The following FNDC3B variants were observed in gnomAD, a reference collection of about 807,000 sequenced individuals.
FNDC3B encodes the protein fibronectin type III domain-containing protein 3B.
In FNDC3B, 12 loss-of-function variants were observed where a neutral mutation model predicts 151.5. The observed-to-expected ratio is 0.08, with a 90% CI of 0.05 to 0.13. The LOEUF is 0.13. Ranked by LOEUF, FNDC3B falls within the 10% of genes least tolerant of loss-of-function variation. FNDC3B has a pLI of 1.00. For synonymous variants in FNDC3B, 528 were observed against 549.0 expected (o/e 0.96, Z 0.54); for missense variants, 1,214 against 1,505.3 (o/e 0.81, Z 3.20).
At chr3:172,267,417 A>G (rs1159693930) in intron 6 of FNDC3B, among the ~76,000 whole-genome samples, 3 of 152,088 alleles carry the variant, frequency 2.0e-5, no homozygotes, top group Non-Finnish European at 4.4e-5. Context: ...CAGTTTCCCA[A>G]AGTGCTGGGA....
chr3:172,137,963 G>A (rs1389764715), intron 3 of FNDC3B, among the ~76,000 whole-genome samples: 1 of 152,202 alleles, frequency 6.6e-6, no homozygotes, highest in African/African-American at 2.4e-5. Flanking sequence ...CTTCAGTTCA[G>A]GAATTAATAG....
chr3:172,239,899 T>TA (rs1297396304), intron 4 of FNDC3B, among the ~76,000 whole-genome samples: 5 of 127,580 alleles, frequency 3.9e-5, no homozygotes, highest in Non-Finnish European at 7.9e-5. Flanking sequence ...GATGGAGTCT[T>TA]ACTCTGTCAC....
chr3:172,273,413 A>C (rs1387877205), intron 6 of FNDC3B, among the ~76,000 whole-genome samples: 1 of 152,166 alleles, frequency 6.6e-6, no homozygotes, highest in Admixed American at 6.5e-5. Context: ...CTGTTACCTA[A>C]TCACAGGCTC....
chr3:172,300,878 C>T (rs1004562497), intron 9 of FNDC3B, among the ~76,000 whole-genome samples: 13 of 152,192 alleles, frequency 8.5e-5, no homozygotes, highest in African/African-American at 3.1e-4. Context: ...CTGCCTAATG[C>T]ACAGTCCATA....
At position 172,397,654 on chromosome 3, in the gene FNDC3B, G is replaced by T; in HGVS notation, c.*179G>T. The T allele has an allele frequency of 2.6e-6, 1 of 377,546 alleles. No homozygotes were observed. Among genetic ancestry groups the T allele is most frequent in the Non-Finnish European group, 4.6e-6 (1 of 219,090 alleles). 23.4% of individuals were successfully genotyped at this position (377,546 alleles called of 1,614,324 possible). On this transcript the variant is annotated 3_prime_UTR_variant, in exon 26 of 26. Transcript: ENST00000415807. ...TTTTTGAAATGCAAAACTAGGAAAA[G>T]GTTAAACTGGATTTTTTTTTTTAAA...
chr3:172,225,516 C>T (rs1305872317), intron 3 of FNDC3B: 2 of 205,854 alleles, frequency 9.7e-6, no homozygotes, highest in Non-Finnish European at 2.0e-5. Flanking sequence ...ATAAAAACTC[C>T]AGCATCACAT....
At position 172,061,558 on chromosome 3, in the gene FNDC3B, T is replaced by C. The variant is rs573570713; in HGVS notation, c.-29+21787T>C. On this transcript the variant is annotated intron_variant, in intron 1 of 25. Coordinates refer to ENST00000415807, the MANE Select transcript of FNDC3B (RefSeq NM_022763.4). ...ACTTTTTAATAGTAAATTGAAGTTATGGGTGTTAGATATATTCTTTGCAAG... is the reference window on the plus strand; with the variant it reads ...ACTTTTTAATAGTAAATTGAAGTTACGGGTGTTAGATATATTCTTTGCAAG... Among the ~76,000 whole-genome samples, 24 of 152,300 alleles carry C rather than the reference T, an allele frequency of 1.6e-4. No homozygotes were observed. In the East Asian group the frequency reaches 3.3e-3, roughly 21 times the overall value.
chr3:172,341,154 T>C lies in FNDC3B; in HGVS notation c.1894T>C (p.Tyr632His), dbSNP rs761592726. The change falls in exon 17 of 26, where the codon TAC becomes CAC. Residue 632 changes from tyrosine to histidine, a missense_variant. Tyr to His is a moderately conservative substitution (Grantham distance 83, BLOSUM62 2). Transcript: ENST00000415807. ...EVAYSGSATE[Y>H]TFTHLKPGTL... The stretch of plus-strand genomic sequence containing the variant: ...GGCCTACAGTGGGTCGGCTACCGAA[T>C]ACACCTTCACCCACTTGAAACCAGG... 3.7e-6 allele frequency: 6 copies of C among 1,614,092 alleles called. No individual in the cohort carries two copies. Among genetic ancestry groups the C allele is most frequent in the Non-Finnish European group, 3.4e-6 (4 of 1,180,020 alleles).
At chr3:172,362,989 A>G in intron 23 of FNDC3B, 144 bp downstream of exon 23, 1 of 646,126 alleles carries the variant, frequency 1.5e-6, no homozygotes, top group East Asian at 2.8e-5. Context: ...CCTGCGTTTT[A>G]TACCCGGAGT....
chr3:172,109,778 T>C (rs1719870621), intron 1 of FNDC3B, among the ~76,000 whole-genome samples: 1 of 152,166 alleles, frequency 6.6e-6, no homozygotes, highest in Admixed American at 6.5e-5. Context: ...CATCACGTAG[T>C]AGAGAAAAAG....
chr3:172,226,827 A>G, intron 3 of FNDC3B, 44 bp from the exon 4 acceptor site: 1 of 1,152,640 alleles, frequency 8.7e-7, no homozygotes, highest in Non-Finnish European at 1.3e-6. Flanking sequence ...ATTTTGAATA[A>G]TGTATGTTTC....
intron 3 of FNDC3B, among the ~76,000 whole-genome samples, chr3:172,214,834 CT>C (rs2108719744): frequency 6.6e-6 from 1 of 152,336 alleles, no homozygotes; most frequent in South Asian, 2.1e-4. Context: ...AAAGACTTTG[CT>C]TTATGGCAGG....
chr3:172,140,215 C>G (rs147421368), intron 3 of FNDC3B, among the ~76,000 whole-genome samples: 6 of 152,268 alleles, frequency 3.9e-5, no homozygotes, highest in Non-Finnish European at 7.4e-5. Context: ...ATTACTCTAC[C>G]AACTCTCCAG....
chr3:172,153,461 G>C (rs1232484876), intron 3 of FNDC3B, among the ~76,000 whole-genome samples: 1 of 152,174 alleles, frequency 6.6e-6, no homozygotes, highest in Non-Finnish European at 1.5e-5. Context: ...TGACCTGGCA[G>C]CCAGTGCTGT....
chr3:172,174,942 C>CCCCCCCCCCCCCA (rs1553769237), intron 3 of FNDC3B, among the ~76,000 whole-genome samples: 4 of 66,490 alleles, frequency 6.0e-5, no homozygotes, highest in South Asian at 8.9e-4. Context: ...CACCCCCCCC[C>CCCCCCCCCCCCCA]CCCCAATACA....
intron 11 of FNDC3B, among the ~76,000 whole-genome samples, chr3:172,318,972 A>G (rs1560075794): frequency 6.6e-6 from 1 of 152,168 alleles, no homozygotes; most frequent in Non-Finnish European, 1.5e-5. Flanking sequence ...TTCATGATTA[A>G]AAGGAGCCCC....
intron 3 of FNDC3B, among the ~76,000 whole-genome samples, chr3:172,223,183 G>A (rs1409346446): frequency 6.6e-6 from 1 of 152,190 alleles, no homozygotes; most frequent in Non-Finnish European, 1.5e-5. Flanking sequence ...AGCAGAGATA[G>A]TAAACTCACA....
At chr3:172,122,692 TCC>T (rs2108556610) in intron 2 of FNDC3B, among the ~76,000 whole-genome samples, 1 of 152,350 alleles carries the variant, frequency 6.6e-6, no homozygotes, top group African/African-American at 2.4e-5. Context: ...AATTTGGCCC[TCC>T]CTTCCTGGGT....
chr3:172,061,544 G>C (rs564598855), intron 1 of FNDC3B, among the ~76,000 whole-genome samples: 4 of 152,124 alleles, frequency 2.6e-5, no homozygotes, highest in Non-Finnish European at 4.4e-5. Context: ...CTTTTTAATA[G>C]TAAATTGAAG....
Sources: gnomAD v4.1 joint callset for allele counts (sites outside exome capture counted in the v4.1 genomes callset) on GRCh38, gnomAD v4.1.1 for gene constraint, MANE v1.5 for transcripts, NCBI Gene and HGNC (gene_info 2026-07-23, HGNC 2026-07-21) for gene names.